Variants in ATF6 observed in about 807,000 individuals in gnomAD.
ATF6 encodes activating transcription factor 6, also known as cyclic AMP-dependent transcription factor ATF-6 alpha.
ATF6 carries 53 observed loss-of-function variants against 83.6 expected under a neutral mutation model. The ratio of observed to expected loss-of-function variants is 0.63; its 90% confidence interval spans 0.51 to 0.80. The LOEUF (loss-of-function observed/expected upper bound fraction) is 0.80. ATF6 is among the 30% of genes least tolerant of loss of function. ATF6 has a pLI of 0.00. For synonymous variants in ATF6, 288 were observed against 285.8 expected (o/e 1.01, Z -0.08); for missense variants, 744 against 797.9 (o/e 0.93, Z 0.81).
intron 1 of ATF6, among the ~76,000 whole-genome samples, chr1:161,772,102 A>G (rs2089085): frequency 0.13 from 20,003 of 151,990 alleles, 1,828 homozygotes; most frequent in East Asian, 0.31. Flanking sequence ...TCCTTCTGAG[A>G]TTTTGCCATG....
At position 161,912,516 on chromosome 1, in the gene ATF6, A is replaced by G. The variant is rs1571232224; in HGVS notation, c.1804+136A>G. On this transcript the variant is annotated intron_variant, in intron 15 of 15. Transcript: ENST00000367942. ...TACATTATTTCTGAAACATTTTTCC[A>G]CTGTTTTATTATTTTTAAGATCCAT... 6.2e-6 allele frequency: 3 copies of G among 480,182 alleles called. No homozygotes were observed. The East Asian group carries it at 1.1e-4, about 17-fold the overall frequency. 29.7% of individuals were successfully genotyped at this position (480,182 alleles called of 1,614,324 possible).
chr1:161,886,634 G>A (rs2340722), intron 14 of ATF6, among the ~76,000 whole-genome samples: 142,086 of 152,324 alleles, frequency 0.93, 66,409 homozygotes, highest in East Asian at 1. Context: ...TCAGATTTCT[G>A]TATATGTTCC....
At chr1:161,812,397 T>C (rs1481303923) in intron 7 of ATF6, among the ~76,000 whole-genome samples, 2 of 114,660 alleles carry the variant, frequency 1.7e-5, no homozygotes, top group Non-Finnish European at 3.5e-5. Flanking sequence ...TTTTTTTTTT[T>C]TTTTTTTTTT....
chr1:161,827,961 G>T (rs542449463), intron 9 of ATF6, among the ~76,000 whole-genome samples: 1 of 152,138 alleles, frequency 6.6e-6, no homozygotes, highest in Non-Finnish European at 1.5e-5. Context: ...ACTCTGGGTG[G>T]TCTATAAATA....
chr1:161,869,520 T>A (rs1687078781), intron 14 of ATF6, among the ~76,000 whole-genome samples: 1 of 151,854 alleles, frequency 6.6e-6, no homozygotes, highest in African/African-American at 2.4e-5. Flanking sequence ...AGCCAAATTC[T>A]AGCTGGAAAA....
intron 9 of ATF6, among the ~76,000 whole-genome samples, chr1:161,826,928 C>T (rs1193701413): frequency 8.3e-6 from 1 of 121,212 alleles, no homozygotes; most frequent in Non-Finnish European, 1.6e-5. Context: ...TTTGATTGGC[C>T]CCATTTTTTT....
intron 7 of ATF6, among the ~76,000 whole-genome samples, chr1:161,806,300 T>C (rs1300842403): frequency 6.6e-6 from 1 of 152,214 alleles, no homozygotes; most frequent in African/African-American, 2.4e-5. Context: ...AGCAGTCTGT[T>C]TAAATCTGCA....
intron 14 of ATF6, among the ~76,000 whole-genome samples, chr1:161,866,682 C>CT (rs1687007884): frequency 6.6e-6 from 1 of 152,292 alleles, no homozygotes; most frequent in East Asian, 1.9e-4. Flanking sequence ...TTCCAAGTCA[C>CT]TTTGAGTGTA....
chr1:161,823,656 T>C (rs1360409564), intron 9 of ATF6, among the ~76,000 whole-genome samples: 1 of 152,228 alleles, frequency 6.6e-6, no homozygotes, highest in South Asian at 2.1e-4. Context: ...TAAAAATCTT[T>C]GATGTCCGAC....
At chr1:161,951,666 A>G (rs192285477) in intron 15 of ATF6, among the ~76,000 whole-genome samples, 6 of 152,364 alleles carry the variant, frequency 3.9e-5, no homozygotes, top group Admixed American at 2.0e-4. Flanking sequence ...AAGAACAGAT[A>G]TGATTTGGGA....
chr1:161,792,269 G>C lies in ATF6; in HGVS notation c.630G>C (p.Thr210=). The C allele has an allele frequency of 6.2e-7, 1 of 1,614,008 alleles. No homozygotes were observed. Among genetic ancestry groups the C allele is most frequent in the Non-Finnish European group, 8.5e-7 (1 of 1,179,984 alleles). ...CCATCATTATTCAGACAGTACCAAC[G>C]CTTATGCCATTGGCAAAGCAGCAAC... ...AKTIIIQTVP[T]LMPLAKQQPI... The change falls in exon 6 of 16, where the codon ACG becomes ACC. Residue 210 remains threonine (T), a synonymous_variant. Transcript: ENST00000367942.
intron 9 of ATF6, among the ~76,000 whole-genome samples, chr1:161,843,064 C>T (rs576776129): frequency 9.9e-4 from 151 of 152,316 alleles, no homozygotes; most frequent in Non-Finnish European, 2.0e-3. Flanking sequence ...GGTAGCTCGG[C>T]GCACAAGTCA....
intron 9 of ATF6, among the ~76,000 whole-genome samples, chr1:161,824,393 A>G (rs1239568185): frequency 1.3e-5 from 2 of 151,580 alleles, no homozygotes; most frequent in African/African-American, 4.8e-5. Flanking sequence ...AATTAAAAAA[A>G]AAAAAAAAAG....
chr1:161,863,146 G>A (rs1183143181), intron 13 of ATF6, 52 bp from the exon 14 acceptor site: 16 of 1,131,112 alleles, frequency 1.4e-5, no homozygotes, highest in Non-Finnish European at 1.5e-5. Flanking sequence ...AGTATTTTGG[G>A]AAAACAGGAA....
At chr1:161,955,712 C>G (rs1364890815) in intron 15 of ATF6, among the ~76,000 whole-genome samples, 1 of 152,144 alleles carries the variant, frequency 6.6e-6, no homozygotes, top group Admixed American at 6.5e-5. Flanking sequence ...TGTTGGGACT[C>G]CTAATGGCAT....
Position 161,868,758 on chromosome 1 carries a change from G to T in ATF6, c.1719+5446G>T, listed in dbSNP as rs577837107. ...AATGCCAGTAGAAAGTTTAGTTAAA[G>T]ATGATCTCTGTTTTGTCCATTTATG... On this transcript the variant is annotated intron_variant, in intron 14 of 15. Transcript: ENST00000367942. Among the ~76,000 whole-genome samples, 20 of 152,088 alleles carry T rather than the reference G, an allele frequency of 1.3e-4. No homozygotes were observed. In the East Asian group the frequency reaches 3.9e-3, roughly 29 times the overall value.
At chr1:161,949,092 T>A (rs978598886) in intron 15 of ATF6, among the ~76,000 whole-genome samples, 3 of 152,182 alleles carry the variant, frequency 2.0e-5, no homozygotes, top group Admixed American at 1.3e-4. Context: ...ACAACCTGTC[T>A]CTCCTGAGGC....
chr1:161,924,064 C>CGTG (rs1320349246), intron 15 of ATF6, among the ~76,000 whole-genome samples: 3 of 152,128 alleles, frequency 2.0e-5, no homozygotes, highest in Non-Finnish European at 4.4e-5. Context: ...AATCAAGAAC[C>CGTG]TTGCACTTTG....
chr1:161,847,385 A>G (rs1334176813), intron 10 of ATF6, among the ~76,000 whole-genome samples: 1 of 152,138 alleles, frequency 6.6e-6, no homozygotes, highest in African/African-American at 2.4e-5. Flanking sequence ...TGTTACATCC[A>G]TACTGTTGAA....
Sources: allele counts gnomAD v4.1 joint callset (sites outside exome capture counted in the v4.1 genomes callset), GRCh38; gene constraint gnomAD v4.1.1; transcripts MANE v1.5; gene names NCBI Gene and HGNC (gene_info 2026-07-23, HGNC 2026-07-21).